The following PDS5B variants were observed in gnomAD, a reference collection of about 807,000 sequenced individuals.
The protein encoded by PDS5B is PDS5 cohesin associated factor B.
PDS5B carries 51 observed loss-of-function variants against 184.1 expected under a neutral mutation model. The ratio of observed to expected loss-of-function variants is 0.28; its 90% confidence interval spans 0.22 to 0.35. PDS5B has a LOEUF of 0.35. PDS5B is among the 10% of genes least tolerant of loss of function. The pLI, the probability that PDS5B is intolerant of heterozygous loss-of-function variation, is 1.00. For synonymous variants in PDS5B, 566 were observed against 569.2 expected, an observed-to-expected ratio of 0.99 and a Z score of 0.08; for missense variants, 1,180 against 1,723.3, an observed-to-expected ratio of 0.68 and a Z score of 5.58.
At chr13:32,717,059 A>C (rs1260878955) in intron 19 of PDS5B, among the ~76,000 whole-genome samples, 1 of 142,194 alleles carries the variant, frequency 7.0e-6, no homozygotes, top group Non-Finnish European at 1.5e-5. Flanking sequence ...CTCGTCCGGG[A>C]GGGAGGTGGG....
intron 6 of PDS5B, 82 bp downstream of exon 6, chr13:32,659,362 T>C (rs1315631043): frequency 2.1e-6 from 2 of 958,298 alleles, no homozygotes; most frequent in Non-Finnish European, 2.9e-6. Flanking sequence ...CTAAATATGG[T>C]TTATCCTGCT....
chr13:32,720,294 C>T (rs1952625130), intron 19 of PDS5B, among the ~76,000 whole-genome samples: 1 of 152,114 alleles, frequency 6.6e-6, no homozygotes, highest in Admixed American at 6.5e-5. Flanking sequence ...AGCATTCCAA[C>T]AATGCTGTCT....
chr13:32,762,851 C>T (rs1435377939), intron 30 of PDS5B, among the ~76,000 whole-genome samples: 2 of 152,078 alleles, frequency 1.3e-5, no homozygotes, highest in East Asian at 3.8e-4. Context: ...GCTAGATAAT[C>T]CTTTAAAAAT....
intron 1 of PDS5B, among the ~76,000 whole-genome samples, chr13:32,588,854 C>G (rs1777376022): frequency 6.6e-6 from 1 of 152,166 alleles, no homozygotes; most frequent in African/African-American, 2.4e-5. Flanking sequence ...ATTTGTTAGG[C>G]CTAAGATAAA....
chr13:32,659,902 T>G (rs753960429), intron 6 of PDS5B, among the ~76,000 whole-genome samples: 62 of 152,186 alleles, frequency 4.1e-4, no homozygotes, highest in Non-Finnish European at 6.6e-4. Context: ...AGATATAATC[T>G]CAGTGTAGAG....
At chr13:32,643,054 T>C (rs1260429914) in intron 1 of PDS5B, among the ~76,000 whole-genome samples, 1 of 152,186 alleles carries the variant, frequency 6.6e-6, no homozygotes, top group East Asian at 1.9e-4. Context: ...GGTCACTCTG[T>C]CTACATTGTA....
intron 13 of PDS5B, among the ~76,000 whole-genome samples, chr13:32,692,414 CCT>C (rs1435180408): frequency 0.31 from 20,945 of 68,226 alleles, 7,474 homozygotes; most frequent in South Asian, 0.64. Flanking sequence ...GTCCAAAAAG[CCT>C]TTTTTTTTTT....
intron 34 of PDS5B, among the ~76,000 whole-genome samples, chr13:32,773,788 G>T (rs1465861958): frequency 6.6e-6 from 1 of 152,078 alleles, no homozygotes; most frequent in Admixed American, 6.5e-5. Context: ...TGCAAAAGTA[G>T]GTATGTGTTA....
intron 1 of PDS5B, among the ~76,000 whole-genome samples, chr13:32,606,467 T>C (rs1415512171): frequency 6.6e-6 from 1 of 152,228 alleles, no homozygotes; most frequent in East Asian, 1.9e-4. Flanking sequence ...CCTTTGTGGG[T>C]AACCAGACCT....
intron 6 of PDS5B, among the ~76,000 whole-genome samples, chr13:32,660,024 A>AT (rs112142051): frequency 0.038 from 5,841 of 152,278 alleles, 350 homozygotes; most frequent in African/African-American, 0.13. Context: ...AAATAGCAAG[A>AT]TTAGAGTTCA....
At chr13:32,736,415 G>A (rs1056761385) in intron 21 of PDS5B, among the ~76,000 whole-genome samples, 4 of 151,830 alleles carry the variant, frequency 2.6e-5, no homozygotes, top group Non-Finnish European at 5.9e-5. Flanking sequence ...CTAGACTGGT[G>A]TATTTTCCCC....
At chr13:32,758,475 TTTACAGAGTCTAGA>T in intron 27 of PDS5B, 45 bp from the exon 28 acceptor site, 2 of 1,495,222 alleles carry the variant, frequency 1.3e-6, no homozygotes, top group Admixed American at 3.7e-5. Flanking sequence ...TTATTCCTAG[TTTACAGAGTCTAGA>T]TTGCCAGCTT....
At chr13:32,610,902 A>T (rs1270066333) in intron 1 of PDS5B, among the ~76,000 whole-genome samples, 4 of 152,072 alleles carry the variant, frequency 2.6e-5, no homozygotes. Flanking sequence ...TTAGTATTAT[A>T]CCATGCTGCC....
At chr13:32,714,471 C>T (rs906937934) in intron 19 of PDS5B, among the ~76,000 whole-genome samples, 1 of 152,140 alleles carries the variant, frequency 6.6e-6, no homozygotes, top group Non-Finnish European at 1.5e-5. Flanking sequence ...CAGGAATTTC[C>T]TCTTCCTAAT....
intron 20 of PDS5B, among the ~76,000 whole-genome samples, chr13:32,732,863 T>C (rs1266748788): frequency 1.3e-5 from 2 of 152,156 alleles, no homozygotes; most frequent in Non-Finnish European, 2.9e-5. Context: ...TCAAGAGCCT[T>C]GAGTAGAGTC....
intron 1 of PDS5B, among the ~76,000 whole-genome samples, chr13:32,635,752 T>G (rs2058542597): frequency 6.8e-6 from 1 of 147,942 alleles, no homozygotes; most frequent in Non-Finnish European, 1.5e-5. Context: ...TGCTCCGATT[T>G]TTTAGTATTC....
At chr13:32,739,375 C>T (rs1382411848) in intron 21 of PDS5B, among the ~76,000 whole-genome samples, 1 of 152,066 alleles carries the variant, frequency 6.6e-6, no homozygotes, top group Non-Finnish European at 1.5e-5. Context: ...ATAGTTTTCT[C>T]TAAAAAGAAA....
chr13:32,618,548 G>A (rs1389122272), intron 1 of PDS5B, among the ~76,000 whole-genome samples: 2 of 152,058 alleles, frequency 1.3e-5, no homozygotes, highest in Non-Finnish European at 2.9e-5. Flanking sequence ...GGGTTCAGTA[G>A]TATATGTTTT....
At chr13:32,621,924 C>G (rs1006810641) in intron 1 of PDS5B, among the ~76,000 whole-genome samples, 1 of 152,140 alleles carries the variant, frequency 6.6e-6, no homozygotes, top group Non-Finnish European at 1.5e-5. Context: ...GTTTGCCAGT[C>G]TCTGGTTTGA....
Sources: allele counts gnomAD v4.1 joint callset (sites outside exome capture counted in the v4.1 genomes callset), GRCh38; gene constraint gnomAD v4.1.1; transcripts MANE v1.5; gene names NCBI Gene and HGNC (gene_info 2026-07-23, HGNC 2026-07-21).